NFIB: variants seen among roughly 807,000 people sequenced by gnomAD.
The protein encoded by NFIB is nuclear factor 1 B-type.
NFIB carries 11 observed loss-of-function variants against 61.5 expected under a neutral mutation model. The observed-to-expected ratio is 0.18, with a 90% CI of 0.11 to 0.30. NFIB has a LOEUF of 0.30. Among genes scored for constraint, NFIB ranks in the 10% least tolerant of loss-of-function variants. The pLI is 1.00. For missense variants in NFIB, 471 were observed against 608.9 expected, an observed-to-expected ratio of 0.77 and a Z score of 2.38; for synonymous variants, 260 against 216.5, an observed-to-expected ratio of 1.20 and a Z score of -1.76.
At chr9:14,222,818 G>GAAAAGA (rs2051861058) in intron 2 of NFIB, among the ~76,000 whole-genome samples, 1 of 122,196 alleles carries the variant, frequency 8.2e-6, no homozygotes, top group South Asian at 2.7e-4. Context: ...AAGAAAGAAA[G>GAAAAGA]AAAAGAAAAA....
chr9:14,278,231 G>C (rs1272353765), intron 2 of NFIB, among the ~76,000 whole-genome samples: 1 of 152,194 alleles, frequency 6.6e-6, no homozygotes, highest in African/African-American at 2.4e-5. Flanking sequence ...TGCAGTATTT[G>C]ATATTTTCTT....
At chr9:14,528,056 T>C in the NFIB span, among the ~76,000 whole-genome samples, 3 of 152,294 alleles carry the variant, frequency 2.0e-5, no homozygotes, top group East Asian at 5.8e-4. Flanking sequence ...TTTCAGCATT[T>C]ATCAGAGGAT....
chr9:14,083,368 G>C lies in NFIB; in HGVS notation c.*4941C>G. 4.4e-6 allele frequency: 1 copy of C among 225,366 alleles called. No individual in the cohort carries two copies. The highest frequency in any genetic ancestry group is 8.8e-6 in the Non-Finnish European group (1 of 113,126). The allele number at this position is 225,366 out of a possible 1,614,324, so 14.0% of individuals were successfully genotyped here. On this transcript the variant is annotated 3_prime_UTR_variant, in exon 11 of 11. Transcript: ENST00000380953. ...AATTTTAGGGAATTAGAAAAAACAG[G>C]GGAACTACCAGAAAGTGCAAAATAT...
the NFIB span, among the ~76,000 whole-genome samples, chr9:14,414,511 ATTT>A: frequency 9.2e-5 from 11 of 120,024 alleles, no homozygotes; most frequent in African/African-American, 3.1e-4. Flanking sequence ...CACGTTTTGT[ATTT>A]TTTTTTTTTT....
chr9:14,291,707 A>G (rs2059114599), intron 2 of NFIB, among the ~76,000 whole-genome samples: 1 of 152,134 alleles, frequency 6.6e-6, no homozygotes, highest in African/African-American at 2.4e-5. Context: ...AGTAATTATC[A>G]AGCTAATCGG....
chr9:14,283,042 T>G (rs2058482947), intron 2 of NFIB, among the ~76,000 whole-genome samples: 1 of 152,222 alleles, frequency 6.6e-6, no homozygotes, highest in South Asian at 2.1e-4. Context: ...TTACTGTTAC[T>G]ATCATCTTAG....
intron 10 of NFIB, chr9:14,093,556 T>C (rs965181142): frequency 6.6e-6 from 1 of 152,138 alleles, no homozygotes; most frequent in African/African-American, 2.4e-5. Context: ...TATTTTAATT[T>C]AAAAGAAGCA....
At chr9:14,419,241 T>C in the NFIB span, among the ~76,000 whole-genome samples, 1 of 149,022 alleles carries the variant, frequency 6.7e-6, no homozygotes, top group Non-Finnish European at 1.5e-5. Flanking sequence ...CCTTGGAAAC[T>C]TTTCATAGGG....
intron 6 of NFIB, among the ~76,000 whole-genome samples, chr9:14,137,948 C>T (rs75466151): frequency 1.3e-5 from 2 of 151,978 alleles, no homozygotes; most frequent in African/African-American, 4.8e-5. Context: ...AAGTTTCATG[C>T]ATTAAAAAAA....
intron 2 of NFIB, among the ~76,000 whole-genome samples, chr9:14,218,735 T>C (rs1029735357): frequency 6.6e-6 from 1 of 152,172 alleles, no homozygotes; most frequent in African/African-American, 2.4e-5. Flanking sequence ...GGAGCTGAAA[T>C]TGGAAGTGGA....
intron 2 of NFIB, among the ~76,000 whole-genome samples, chr9:14,296,105 T>A (rs983758822): frequency 6.6e-6 from 1 of 152,238 alleles, no homozygotes; most frequent in Admixed American, 6.5e-5. Context: ...TCTTGTTACC[T>A]GAGATAAATA....
chr9:14,425,078 T>C, the NFIB span, among the ~76,000 whole-genome samples: 1 of 152,202 alleles, frequency 6.6e-6, no homozygotes, highest in Non-Finnish European at 1.5e-5. Flanking sequence ...GTTTAGCCGC[T>C]GGCATGGACA....
At chr9:14,225,020 G>A (rs570382402) in intron 2 of NFIB, among the ~76,000 whole-genome samples, 6 of 151,942 alleles carry the variant, frequency 3.9e-5, no homozygotes, top group Non-Finnish European at 7.4e-5. Flanking sequence ...TAAATCTCAA[G>A]GCTTATTCAT....
chr9:14,395,918 C>T (rs1006364451), intron 1 of NFIB, among the ~76,000 whole-genome samples: 13 of 151,370 alleles, frequency 8.6e-5, no homozygotes, highest in African/African-American at 2.9e-4. Context: ...GGGGATCGGG[C>T]CTTTGAAGCT....
At chr9:14,492,160 G>C in the NFIB span, among the ~76,000 whole-genome samples, 1 of 151,968 alleles carries the variant, frequency 6.6e-6, no homozygotes, top group Non-Finnish European at 1.5e-5. Context: ...TCAGGAGATC[G>C]AGACCATCCT....
chr9:14,503,082 T>C, the NFIB span, among the ~76,000 whole-genome samples: 1 of 144,534 alleles, frequency 6.9e-6, no homozygotes, highest in East Asian at 2.0e-4. Context: ...TGAGTAGTAT[T>C]TTATGGTATA....
chr9:14,513,656 A>G, the NFIB span, among the ~76,000 whole-genome samples: 1 of 114,702 alleles, frequency 8.7e-6, no homozygotes, highest in Non-Finnish European at 2.2e-5. Context: ...GAAAAGAAAA[A>G]GAAAAAGAAA....
At chr9:14,287,580 G>A (rs2058799825) in intron 2 of NFIB, among the ~76,000 whole-genome samples, 1 of 151,758 alleles carries the variant, frequency 6.6e-6, no homozygotes, top group African/African-American at 2.4e-5. Flanking sequence ...GCACCACCAG[G>A]CCCGGCTAAT....
At chr9:14,221,193 C>A (rs1386199792) in intron 2 of NFIB, among the ~76,000 whole-genome samples, 1 of 152,150 alleles carries the variant, frequency 6.6e-6, no homozygotes, top group South Asian at 2.1e-4. Flanking sequence ...AAGTAAAAGC[C>A]TTCTCCAGCT....
Sources: gnomAD v4.1 joint callset for allele counts (sites outside exome capture counted in the v4.1 genomes callset) on GRCh38, gnomAD v4.1.1 for gene constraint, MANE v1.5 for transcripts, NCBI Gene and HGNC (gene_info 2026-07-23, HGNC 2026-07-21) for gene names.